The following LCOR variants were observed in gnomAD, a reference collection of about 807,000 sequenced individuals.
The protein encoded by LCOR is ligand dependent nuclear receptor corepressor.
In LCOR, 14 loss-of-function variants were observed where a neutral mutation model predicts 64.4. The ratio of observed to expected loss-of-function variants is 0.22; its 90% CI spans 0.14 to 0.34. The LOEUF (loss-of-function observed/expected upper bound fraction) is 0.34. LCOR is among the 10% of genes least tolerant of loss of function. The pLI, the probability that LCOR is intolerant of heterozygous loss-of-function variation, is 1.00. For missense variants in LCOR, 1,686 were observed against 1,765.3 expected (o/e 0.96, Z 0.80); for synonymous variants, 643 against 642.5 (o/e 1.00, Z -0.01).
intron 4 of LCOR, among the ~76,000 whole-genome samples, chr10:96,936,951 T>TA (rs1358240521): frequency 4.6e-5 from 7 of 152,242 alleles, no homozygotes; most frequent in Non-Finnish European, 1.0e-4. Flanking sequence ...TAACAAAAGT[T>TA]ATGTGAATAT....
At chr10:96,847,541 A>T (rs1208056298) in intron 2 of LCOR, among the ~76,000 whole-genome samples, 1 of 152,084 alleles carries the variant, frequency 6.6e-6, no homozygotes, top group African/African-American at 2.4e-5. Context: ...CTCCCAGGTT[A>T]AGCAATTCTC....
chr10:96,833,782 C>A (rs1430535174), intron 2 of LCOR, among the ~76,000 whole-genome samples: 4 of 152,236 alleles, frequency 2.6e-5, no homozygotes, highest in Non-Finnish European at 5.9e-5. Context: ...GACAGGGTTT[C>A]GTTGGAAGGA....
intron 4 of LCOR, among the ~76,000 whole-genome samples, chr10:96,930,811 C>G (rs952576610): frequency 1.3e-5 from 2 of 152,180 alleles, no homozygotes; most frequent in Admixed American, 6.5e-5. Flanking sequence ...AGCTTACTTG[C>G]CCTTCTCTGC....
At chr10:96,937,405 A>T (rs1256859702) in intron 4 of LCOR, among the ~76,000 whole-genome samples, 1 of 152,204 alleles carries the variant, frequency 6.6e-6, no homozygotes, top group Non-Finnish European at 1.5e-5. Context: ...ATAAAATATA[A>T]CACCCCTAGG....
At chr10:96,843,910 A>G (rs1242540021) in intron 2 of LCOR, among the ~76,000 whole-genome samples, 8 of 152,154 alleles carry the variant, frequency 5.3e-5, no homozygotes, top group African/African-American at 1.2e-4. Flanking sequence ...AAAAGCTACC[A>G]TATGTTGAGC....
chr10:96,832,893 C>A, intron 1 of LCOR: 3 of 730,606 alleles, frequency 4.1e-6, no homozygotes, highest in Non-Finnish European at 5.0e-6. Flanking sequence ...ACGCGCGGGG[C>A]GCGCCCCCGG....
intron 7 of LCOR, chr10:96,961,356 ATAT>A (rs975907788): frequency 1.1e-4 from 17 of 152,184 alleles, no homozygotes; most frequent in African/African-American, 3.4e-4. Context: ...GATATAGCAA[ATAT>A]TATTATAATA....
rs374209575 is a variant in LCOR at position 96,841,749 on chromosome 10, AAAAT to A, written c.-330+8289_-330+8292del. Among the ~76,000 whole-genome samples, 875 of 151,708 alleles carry A rather than the reference AAAAT, an allele frequency of 5.8e-3. 6 individuals carry two copies. The highest frequency in any genetic ancestry group is 9.0e-3 in the Admixed American group (137 of 15,218). ...ATTATTGGAAAGCCTGTTGTTTTAAAAAATAAATAAATAAATAAATAATAAAAAA... is the reference window on the plus strand; with the variant it reads ...ATTATTGGAAAGCCTGTTGTTTTAAAAAATAAATAAATAAATAATAAAAAA... On this transcript the variant is annotated intron_variant, in intron 2 of 7. Coordinates refer to ENST00000421806, the MANE Select transcript of LCOR (RefSeq NM_001346516.2).
intron 2 of LCOR, among the ~76,000 whole-genome samples, chr10:96,846,367 A>T (rs1845630121): frequency 6.6e-6 from 1 of 151,794 alleles, no homozygotes; most frequent in South Asian, 2.1e-4. Context: ...CAATCCTCCC[A>T]CCTGAGCCTC....
Position 96,991,236 on chromosome 10 carries a change from T to C in LCOR, c.*6102T>C, listed in dbSNP as rs1589353991. ...TTTAGATTTTAGAGTGTCTTGCCTG[T>C]TCATCTCAGTACACAGCTGCTGTTA... On this transcript the variant is annotated 3_prime_UTR_variant, in exon 8 of 8. Transcript: ENST00000421806. 6.6e-6 allele frequency: 1 copy of C among 152,306 alleles called. No homozygotes were observed. Among genetic ancestry groups the C allele is most frequent in the Admixed American group, 6.5e-5 (1 of 15,296 alleles). The allele number at this position is 152,306 out of a possible 1,614,324, so 9.4% of individuals were successfully genotyped here.
At chr10:96,917,689 A>G (rs1846978457) in intron 4 of LCOR, among the ~76,000 whole-genome samples, 1 of 152,198 alleles carries the variant, frequency 6.6e-6, no homozygotes, top group Non-Finnish European at 1.5e-5. Context: ...AGGGTCTTAT[A>G]ATAATTCACA....
intron 4 of LCOR, among the ~76,000 whole-genome samples, chr10:96,926,110 C>A (rs1847162963): frequency 1.3e-5 from 2 of 152,162 alleles, no homozygotes; most frequent in African/African-American, 4.8e-5. Flanking sequence ...CAATGGAATC[C>A]ATTTTTCTAA....
At chr10:96,961,195 G>C (rs1047364325) in intron 7 of LCOR, 1 of 152,094 alleles carries the variant, frequency 6.6e-6, no homozygotes, top group Admixed American at 6.5e-5. Flanking sequence ...GTTTAAAAAT[G>C]AGAATCGAGG....
chr10:96,982,190 A>G lies in LCOR; in HGVS notation c.1730A>G (p.Glu577Gly), dbSNP rs145268804. The G allele has an allele frequency of 2.9e-5, 47 of 1,614,062 alleles. No homozygotes were observed. The Middle Eastern group carries it at 1.6e-3, about 56-fold the overall frequency. Residue 577 changes from glutamate (E) to glycine (G), a missense_variant, in exon 8 of 8, where the codon GAA becomes GGA. This residue lies in a region of LCOR where 1,293 missense variants were observed against 1,410.4 expected (regional missense o/e 0.92). Transcript: ENST00000421806. ...AGCAAGGAAATCACCTCTCACGAGGAAGGAGGTGGAGACGTTTCACCTCGA... is the reference window on the plus strand; with the variant it reads ...AGCAAGGAAATCACCTCTCACGAGGGAGGAGGTGGAGACGTTTCACCTCGA... ...EPSKEITSHE[E>G]GGGDVSPRKE...
In LCOR at chr10:96,994,920, A is replaced by G. The variant is rs924826267; in HGVS notation, c.*9786A>G. 1.3e-5 allele frequency: 2 copies of G among 152,322 alleles called. No homozygotes were observed. Among genetic ancestry groups the G allele is most frequent in the Admixed American group, 1.3e-4 (2 of 15,310 alleles). 9.4% of individuals were successfully genotyped at this position (152,322 alleles called of 1,614,324 possible). A position where few individuals can be genotyped will look rare whatever the true frequency, so the allele number is the denominator to read the frequency against. ...TGTAAACTCATGGCATTATTTCCTC[A>G]TATGCATTATGATACTAAGAAATTC... On this transcript the variant is annotated 3_prime_UTR_variant, in exon 8 of 8. Transcript: ENST00000421806.
intron 7 of LCOR, among the ~76,000 whole-genome samples, chr10:96,966,524 G>C (rs11188977): frequency 2.6e-5 from 4 of 152,066 alleles, no homozygotes; most frequent in African/African-American, 9.7e-5. Flanking sequence ...CACCGCGCCC[G>C]GCCAGGACTC....
chr10:96,948,902 G>A (rs1452870118), intron 5 of LCOR, 106 bp from the exon 6 acceptor site: 2 of 838,532 alleles, frequency 2.4e-6, no homozygotes, highest in African/African-American at 1.7e-5. Context: ...CTATTTTTAA[G>A]ATAACTGCAT....
intron 2 of LCOR, among the ~76,000 whole-genome samples, chr10:96,853,983 A>G (rs1326730637): frequency 6.6e-6 from 1 of 152,128 alleles, no homozygotes; most frequent in Non-Finnish European, 1.5e-5. Context: ...CCATGATTCG[A>G]TTACCTCTAT....
At chr10:96,942,196 T>C (rs1411292343) in intron 4 of LCOR, among the ~76,000 whole-genome samples, 2 of 149,658 alleles carry the variant, frequency 1.3e-5, no homozygotes, top group Admixed American at 1.3e-4. Flanking sequence ...TCCCGGCACC[T>C]CGGGAGGCCG....
Sources: gnomAD v4.1 joint callset for allele counts (sites outside exome capture counted in the v4.1 genomes callset) on GRCh38, gnomAD v4.1.1 for gene constraint, gnomAD v4.1.1 regional missense constraint, MANE v1.5 for transcripts, NCBI Gene and HGNC (gene_info 2026-07-23, HGNC 2026-07-21) for gene names.